The following WWOX variants were observed in gnomAD, a reference collection of about 807,000 sequenced individuals.
The protein encoded by WWOX is WW domain containing oxidoreductase, also known as WW domain-containing oxidoreductase.
In WWOX, 69 loss-of-function variants were observed where a neutral mutation model predicts 46.2. That is an observed-to-expected ratio of 1.49 (90% CI 1.23 to 1.82). The LOEUF is 1.82. Among genes scored for constraint, WWOX ranks in the 40% most tolerant of loss-of-function variants. The probability of loss-of-function intolerance (pLI) is 0.00; values close to 1 mark genes in which losing one functional copy is unlikely to be tolerated. For missense variants in WWOX, 919 were observed against 542.6 expected, an observed-to-expected ratio of 1.69 and a Z score of -6.89; for synonymous variants, 359 against 202.6, an observed-to-expected ratio of 1.77 and a Z score of -6.56.
chr16:78,226,181 C>T (rs2037048107), intron 5 of WWOX, among the ~76,000 whole-genome samples: 1 of 152,076 alleles, frequency 6.6e-6, no homozygotes, highest in Admixed American at 6.5e-5. Flanking sequence ...AAAGCTGAGC[C>T]CTTTGGGGTA....
chr16:78,194,473 A>T (rs2035984092), intron 5 of WWOX, among the ~76,000 whole-genome samples: 1 of 151,102 alleles, frequency 6.6e-6, no homozygotes, highest in Non-Finnish European at 1.5e-5. Context: ...CTGTATTCCC[A>T]GCTACTCGGG....
intron 8 of WWOX, among the ~76,000 whole-genome samples, chr16:78,813,347 C>T (rs1002199938): frequency 6.6e-6 from 1 of 151,744 alleles, no homozygotes; most frequent in Non-Finnish European, 1.5e-5. Flanking sequence ...AATTTAAGTC[C>T]AAGAAGCCTG....
chr16:78,233,256 C>T (rs1045011823), intron 5 of WWOX, among the ~76,000 whole-genome samples: 1 of 152,256 alleles, frequency 6.6e-6, no homozygotes, highest in Admixed American at 6.5e-5. Context: ...CATCTCTGTT[C>T]AAGGTATGCC....
chr16:78,792,920 G>A (rs190449588), intron 8 of WWOX, among the ~76,000 whole-genome samples: 37 of 152,252 alleles, frequency 2.4e-4, no homozygotes, highest in Admixed American at 1.8e-3. Context: ...AAGGAAAGAC[G>A]CAGACCCAAA....
At chr16:78,279,613 G>A (rs1259840247) in intron 5 of WWOX, among the ~76,000 whole-genome samples, 1 of 152,158 alleles carries the variant, frequency 6.6e-6, no homozygotes, top group Non-Finnish European at 1.5e-5. Flanking sequence ...CTCTGCTGCT[G>A]GCAGTGATTT....
intron 8 of WWOX, among the ~76,000 whole-genome samples, chr16:79,197,879 C>T (rs1260460596): frequency 6.6e-6 from 1 of 152,150 alleles, no homozygotes; most frequent in African/African-American, 2.4e-5. Flanking sequence ...AAGGCTCTCA[C>T]TTTCCAATCA....
intron 8 of WWOX, among the ~76,000 whole-genome samples, chr16:79,076,180 A>G (rs772757491): frequency 2.0e-5 from 3 of 152,210 alleles, no homozygotes; most frequent in Admixed American, 6.5e-5. Flanking sequence ...TCCCATCTTC[A>G]TATCAGGGAA....
At chr16:78,854,459 C>G (rs2052522092) in intron 8 of WWOX, among the ~76,000 whole-genome samples, 1 of 152,204 alleles carries the variant, frequency 6.6e-6, no homozygotes, top group Non-Finnish European at 1.5e-5. Context: ...CAATAGCTTT[C>G]TAAAATATGT....
chr16:78,839,985 C>T (rs1000217358), intron 8 of WWOX, among the ~76,000 whole-genome samples: 21 of 152,298 alleles, frequency 1.4e-4, no homozygotes, highest in Admixed American at 1.4e-3. Context: ...TTTCCTGATC[C>T]TCCATTCCCT....
At chr16:78,665,688 G>T (rs2047314055) in intron 8 of WWOX, among the ~76,000 whole-genome samples, 1 of 152,036 alleles carries the variant, frequency 6.6e-6, no homozygotes, top group Non-Finnish European at 1.5e-5. Context: ...CATTAATTGT[G>T]CTTCTCTGAT....
At chr16:78,614,718 G>A (rs1157357971) in intron 8 of WWOX, among the ~76,000 whole-genome samples, 1 of 152,214 alleles carries the variant, frequency 6.6e-6, no homozygotes, top group Non-Finnish European at 1.5e-5. Flanking sequence ...GGGGCCAACA[G>A]CAGGCTCTTC....
chr16:78,583,705 G>A (rs551157101), intron 8 of WWOX, among the ~76,000 whole-genome samples: 13 of 152,196 alleles, frequency 8.5e-5, no homozygotes, highest in South Asian at 2.1e-4. Flanking sequence ...CCAGGAACCC[G>A]TGCCCTGATG....
chr16:78,490,742 G>T (rs778175865), intron 8 of WWOX, among the ~76,000 whole-genome samples: 6 of 152,142 alleles, frequency 3.9e-5, no homozygotes, highest in Admixed American at 6.5e-5. Context: ...TCTACACAGT[G>T]GTCTTCAGCT....
intron 8 of WWOX, among the ~76,000 whole-genome samples, chr16:78,583,046 A>G (rs1189017293): frequency 6.6e-6 from 1 of 152,242 alleles, no homozygotes; most frequent in African/African-American, 2.4e-5. Context: ...CAGAGTGAAG[A>G]TGATTTCTCC....
At chr16:78,262,398 C>T (rs2079264817) in intron 5 of WWOX, among the ~76,000 whole-genome samples, 1 of 152,120 alleles carries the variant, frequency 6.6e-6, no homozygotes, top group South Asian at 2.1e-4. Flanking sequence ...CTCAAGGGAC[C>T]TTCAGTCTGT....
chr16:78,887,518 C>T (rs10451157), intron 8 of WWOX, among the ~76,000 whole-genome samples: 140,025 of 147,426 alleles, frequency 0.95, 66,937 homozygotes, highest in South Asian at 0.99. Context: ...CACACACACA[C>T]AAGAAATGAC....
At chr16:78,408,891 G>C (rs1290418235) in intron 6 of WWOX, among the ~76,000 whole-genome samples, 1 of 151,928 alleles carries the variant, frequency 6.6e-6, no homozygotes, top group Non-Finnish European at 1.5e-5. Flanking sequence ...GGTAAGCCCT[G>C]GGTATAAGTG....
rs77236807 is a variant in WWOX, at chr16:78,708,722, C to T, written c.1056+275970C>T. On this transcript the variant is annotated intron_variant, in intron 8 of 8. Transcript: ENST00000566780. The stretch of plus-strand genomic sequence containing the variant: ...CCAAGTGCGTTTATTATTGTCCGCA[C>T]TCCAAAATGGCTTTAAAAAATTAAA... Among the ~76,000 whole-genome samples the T allele has an allele frequency of 1.5e-3, 228 of 152,298 alleles. 7 individuals carry two copies. In the East Asian group the frequency reaches 0.039, roughly 26 times the overall value.
chr16:78,915,934 C>G (rs1226030022), intron 8 of WWOX, among the ~76,000 whole-genome samples: 4 of 152,144 alleles, frequency 2.6e-5, no homozygotes, highest in Non-Finnish European at 4.4e-5. Flanking sequence ...CAAAACACCC[C>G]AAGCTCAATC....
Sources: allele counts gnomAD v4.1 joint callset (sites outside exome capture counted in the v4.1 genomes callset), GRCh38; gene constraint gnomAD v4.1.1; transcripts MANE v1.5; gene names NCBI Gene and HGNC (gene_info 2026-07-23, HGNC 2026-07-21).